TRIM37: variants seen among roughly 807,000 people sequenced by gnomAD.
The protein encoded by TRIM37 is E3 ubiquitin-protein ligase TRIM37.
Under a neutral mutation model 129.8 loss-of-function variants are expected in TRIM37, and 80 were observed. The ratio of observed to expected loss-of-function variants is 0.62; its 90% confidence interval spans 0.51 to 0.74. TRIM37 has a LOEUF of 0.74. TRIM37 is among the 30% of genes least tolerant of loss of function. The probability of loss-of-function intolerance (pLI) is 0.00; values close to 1 mark genes in which losing one functional copy is unlikely to be tolerated. For synonymous variants in TRIM37, 389 were observed against 387.1 expected, an observed-to-expected ratio of 1.00 and a Z score of -0.06; for missense variants, 1,054 against 1,176.5, an observed-to-expected ratio of 0.90 and a Z score of 1.52.
At position 59,080,984 on chromosome 17, in the gene TRIM37, T is replaced by C. The variant is rs7214402; in HGVS notation, c.492+113A>G. Reference sequence around the variant, plus strand: ...TGACTATAGGTACAGCCTATCAAATTTGCAAATCTTGAAAACCTTGATTTC... The same window carrying C: ...TGACTATAGGTACAGCCTATCAAATCTGCAAATCTTGAAAACCTTGATTTC... On this transcript the variant is annotated intron_variant, in intron 6 of 23. Coordinates refer to ENST00000262294, the MANE Select transcript of TRIM37 (RefSeq NM_015294.6). 0.37 allele frequency: 210,770 copies of C among 574,748 alleles called. 39,962 individuals are homozygous for C. The highest frequency in any genetic ancestry group is 0.46 in the Middle Eastern group (686 of 1,478). The allele number at this position is 574,748 out of a possible 1,614,324, so 35.6% of individuals were successfully genotyped here.
intron 3 of TRIM37, among the ~76,000 whole-genome samples, chr17:59,088,609 T>C (rs2043990560): frequency 6.6e-6 from 1 of 151,910 alleles, no homozygotes; most frequent in African/African-American, 2.4e-5. Flanking sequence ...CTTGACCTCC[T>C]AGGCTCAAGC....
chr17:59,050,973 C>T (rs1014979018), intron 14 of TRIM37, among the ~76,000 whole-genome samples: 1 of 151,870 alleles, frequency 6.6e-6, no homozygotes, highest in African/African-American at 2.4e-5. Context: ...GAGCGAGACT[C>T]CTTCTCAAAA....
At chr17:59,100,296 G>A (rs776086972) in intron 2 of TRIM37, among the ~76,000 whole-genome samples, 36 of 152,178 alleles carry the variant, frequency 2.4e-4, no homozygotes, top group Non-Finnish European at 4.6e-4. Flanking sequence ...TCTTGTACAC[G>A]AATGTTCGCA....
chr17:58,998,875 G>A lies in TRIM37; in HGVS notation c.*502C>T. The A allele has an allele frequency of 1.0e-6, 1 of 1,003,032 alleles. No individual in the cohort carries two copies. The highest frequency in any genetic ancestry group is 1.7e-5 in the African/African-American group (1 of 57,452). The allele number at this position is 1,003,032 out of a possible 1,614,324, so 62.1% of individuals were successfully genotyped here. ...GTGTTACTTCAGTTATTCACATAGT[G>A]TCTACAGGGCAGAATCTCTTCCAAA... is the stretch of plus-strand genomic sequence containing the variant. On this transcript the variant is annotated 3_prime_UTR_variant, in exon 24 of 24. Transcript: ENST00000262294.
intron 17 of TRIM37, among the ~76,000 whole-genome samples, chr17:59,040,947 G>A (rs2039078735): frequency 6.6e-6 from 1 of 151,936 alleles, no homozygotes; most frequent in African/African-American, 2.4e-5. Context: ...TCGGGAGGCT[G>A]AGGCAGGAGA....
chr17:58,996,462 C>T (rs2033007127), downstream of TRIM37, among the ~76,000 whole-genome samples: 1 of 147,780 alleles, frequency 6.8e-6, no homozygotes, highest in Non-Finnish European at 1.5e-5. Context: ...AGAGTGAGAA[C>T]CTGTCTCAAA....
intron 19 of TRIM37, among the ~76,000 whole-genome samples, chr17:59,018,880 C>G (rs774151725): frequency 5.3e-5 from 8 of 152,078 alleles, no homozygotes; most frequent in Non-Finnish European, 1.2e-4. Context: ...CTGCCATATA[C>G]ACATATATAT....
chr17:59,003,350 G>A (rs562051137), intron 22 of TRIM37, among the ~76,000 whole-genome samples: 10 of 152,274 alleles, frequency 6.6e-5, no homozygotes, highest in African/African-American at 2.2e-4. Flanking sequence ...ATTTAAGGTT[G>A]AGGTTCAAAT....
chr17:59,003,691 CA>C (rs1186749768), intron 22 of TRIM37, among the ~76,000 whole-genome samples: 1 of 149,094 alleles, frequency 6.7e-6, no homozygotes, highest in African/African-American at 2.5e-5. Context: ...GATACAACCC[CA>C]AATTATTCAG....
At chr17:58,991,946 CAA>C (rs2032450543) in intron 24 of TRIM37, among the ~76,000 whole-genome samples, 1 of 152,182 alleles carries the variant, frequency 6.6e-6, no homozygotes, top group East Asian at 1.9e-4. Context: ...AGGTTATGGG[CAA>C]AGTCTTCCAC....
intron 22 of TRIM37, among the ~76,000 whole-genome samples, chr17:59,009,422 C>T (rs2034962871): frequency 6.6e-6 from 1 of 151,122 alleles, no homozygotes; most frequent in Non-Finnish European, 1.5e-5. Context: ...AGCCAACATG[C>T]CCAACCTTCC....
At chr17:59,075,818 A>C (rs1372982915) in intron 7 of TRIM37, 104 bp from the exon 8 acceptor site, 6 of 893,394 alleles carry the variant, frequency 6.7e-6, no homozygotes, top group South Asian at 4.3e-5. Context: ...CACTTCAAGT[A>C]AGCAAAAATT....
At chr17:59,056,646 C>T (rs1204324718) in intron 13 of TRIM37, among the ~76,000 whole-genome samples, 9 of 129,996 alleles carry the variant, frequency 6.9e-5, no homozygotes, top group African/African-American at 2.4e-4. Context: ...AGGAGAATGG[C>T]GTGAACCCGG....
chr17:59,005,975 GT>G (rs1246526368), intron 22 of TRIM37, among the ~76,000 whole-genome samples: 5 of 152,264 alleles, frequency 3.3e-5, no homozygotes, highest in Non-Finnish European at 7.4e-5. Context: ...AGTATTTCCA[GT>G]TTTTACTTTC....
chr17:58,980,269 T>C (rs1260205846), downstream of TRIM37: 7 of 1,614,106 alleles, frequency 4.3e-6, no homozygotes, highest in South Asian at 1.1e-5. The surrounding 1 kb of genome is among the most constrained non-coding windows in gnomAD (Gnocchi z 4.7). Context: ...AGGAATCAGA[T>C]TGGACAGAGA....
chr17:58,977,066 A>C, the TRIM37 span, among the ~76,000 whole-genome samples: 21 of 152,160 alleles, frequency 1.4e-4, no homozygotes, highest in Non-Finnish European at 2.9e-4. Flanking sequence ...GAGCTCTAAC[A>C]GGCTATGGAG....
chr17:59,017,550 A>G, intron 19 of TRIM37, 126 bp from the exon 20 acceptor site: 1 of 1,318,066 alleles, frequency 7.6e-7, no homozygotes. Flanking sequence ...CTAAAAATAA[A>G]CAACATTCTG....
At chr17:59,053,638 A>T (rs557365146) in intron 13 of TRIM37, among the ~76,000 whole-genome samples, 1 of 152,336 alleles carries the variant, frequency 6.6e-6, no homozygotes, top group South Asian at 2.1e-4. Flanking sequence ...AATCAAGGCT[A>T]TAAGAAAATG....
Position 59,049,291 on chromosome 17 carries a change from T to C in TRIM37, c.1417A>G (p.Lys473Glu), listed in dbSNP as rs768746248. 2 of 1,614,194 alleles carry C rather than the reference T, an allele frequency of 1.2e-6. No homozygotes were observed. Among genetic ancestry groups the C allele is most frequent in the African/African-American group, 1.3e-5 (1 of 75,050 alleles). ...QNDDALETRA[K>E]KSACSDMLLE... ...AGCATGTCAGAGCATGCAGACTTCT[T>C]AGCTCGTGTCTCCAGAGCATCATCA... Residue 473 changes from lysine (K) to glutamate (E), a missense_variant, in exon 15 of 24, where the codon AAG (lysine) becomes GAG (glutamate). Transcript: ENST00000262294.
Sources: allele counts gnomAD v4.1 joint callset (sites outside exome capture counted in the v4.1 genomes callset), GRCh38; gene constraint gnomAD v4.1.1; non-coding constraint Gnocchi (gnomAD v3.1); transcripts MANE v1.5; gene names NCBI Gene and HGNC (gene_info 2026-07-23, HGNC 2026-07-21).